Variants in NRXN1 observed in about 807,000 individuals in gnomAD.
The protein encoded by NRXN1 is neurexin-1.
A neutral mutation model predicts 150.9 loss-of-function variants in NRXN1; 39 were observed. The ratio of observed to expected loss-of-function variants is 0.26; its 90% confidence interval spans 0.20 to 0.34. The LOEUF is 0.34. NRXN1 is among the 10% of genes least tolerant of loss of function. NRXN1 has a pLI of 1.00. For missense variants in NRXN1, 1,815 were observed against 1,949.9 expected (o/e 0.93, Z 1.30); for synonymous variants, 924 against 757.0 (o/e 1.22, Z -3.62).
At chr2:50,678,280 G>C (rs1000952859) in intron 5 of NRXN1, among the ~76,000 whole-genome samples, 1 of 152,004 alleles carries the variant, frequency 6.6e-6, no homozygotes, top group Non-Finnish European at 1.5e-5. Context: ...GAATACACAA[G>C]GCTGTATTAC....
At chr2:50,887,686 A>G (rs189817926) in intron 5 of NRXN1, among the ~76,000 whole-genome samples, 19 of 151,530 alleles carry the variant, frequency 1.3e-4, no homozygotes, top group African/African-American at 4.6e-4. Flanking sequence ...TACATTTTTC[A>G]TAATAGCTAA....
chr2:50,058,265 A>C (rs985415806), intron 19 of NRXN1, among the ~76,000 whole-genome samples: 4 of 152,178 alleles, frequency 2.6e-5, no homozygotes, highest in African/African-American at 9.6e-5. Context: ...AACAACAATA[A>C]AACAATTTAG....
In NRXN1 at chr2:50,378,644, T is replaced by C. The variant is rs565670218; in HGVS notation, c.3364+86798A>G. Among the ~76,000 whole-genome samples, 9 of 152,264 alleles carry C rather than the reference T, an allele frequency of 5.9e-5. No homozygotes were observed. In the South Asian group the frequency reaches 1.0e-3, roughly 18 times the overall value. On this transcript the variant is annotated intron_variant, in intron 17 of 22. Coordinates refer to ENST00000401669, the MANE Select transcript of NRXN1 (RefSeq NM_001330078.2). ...GTATTAAATTGGGGGCTTTTTGTAATCATTTAGGAGTATTAATAATATGTA... is the reference window on the plus strand; with the variant it reads ...GTATTAAATTGGGGGCTTTTTGTAACCATTTAGGAGTATTAATAATATGTA...
At chr2:50,238,141 T>C (rs2065648366) in intron 17 of NRXN1, among the ~76,000 whole-genome samples, 1 of 152,064 alleles carries the variant, frequency 6.6e-6, no homozygotes, top group Non-Finnish European at 1.5e-5. Context: ...GAAAATGGAC[T>C]AATAGAGCAT....
intron 17 of NRXN1, among the ~76,000 whole-genome samples, chr2:50,458,213 T>C (rs779913402): frequency 2.6e-5 from 4 of 152,094 alleles, no homozygotes; most frequent in Admixed American, 1.3e-4. Context: ...CTCACTCATA[T>C]GTGCGAGCTA....
Position 50,299,607 on chromosome 2 carries a change from A to C in NRXN1, c.3365-62637T>G, listed in dbSNP as rs78335469. 7.7e-3 allele frequency among the ~76,000 whole-genome samples: 1,172 copies of C among 152,306 alleles called. 15 individuals carry two copies. Among genetic ancestry groups the C allele is most frequent in the African/African-American group, 0.026 (1,099 of 41,582 alleles). On this transcript the variant is annotated intron_variant, in intron 17 of 22. Transcript: ENST00000401669. Reference sequence around the variant, plus strand: ...TAAGGAAATAAATCATATTAAGTACATATTAAAAACATAGTATAAATATCA... The same window carrying C: ...TAAGGAAATAAATCATATTAAGTACCTATTAAAAACATAGTATAAATATCA...
chr2:50,499,094 C>T (rs1188736514), intron 13 of NRXN1, among the ~76,000 whole-genome samples: 4 of 152,150 alleles, frequency 2.6e-5, no homozygotes, highest in East Asian at 1.9e-4. Flanking sequence ...AAATATTAGA[C>T]AGTGTTTAAG....
chr2:50,407,725 C>A (rs1480618622), intron 17 of NRXN1, among the ~76,000 whole-genome samples: 2 of 152,092 alleles, frequency 1.3e-5, no homozygotes, highest in Non-Finnish European at 2.9e-5. Context: ...CACCTCACCT[C>A]AGGACTCTGT....
chr2:50,207,123 T>C (rs1245627854), intron 18 of NRXN1, among the ~76,000 whole-genome samples: 2 of 152,032 alleles, frequency 1.3e-5, no homozygotes, highest in African/African-American at 4.8e-5. Context: ...ACCGATGGGG[T>C]ATAAACAAGA....
intron 8 of NRXN1, among the ~76,000 whole-genome samples, chr2:50,593,272 A>G (rs900388133): frequency 1.3e-5 from 2 of 152,218 alleles, no homozygotes; most frequent in African/African-American, 4.8e-5. Flanking sequence ...TCTTCATTCC[A>G]GTCAGCCCAG....
chr2:50,867,363 C>T (rs1049651664), intron 5 of NRXN1, among the ~76,000 whole-genome samples: 2 of 151,768 alleles, frequency 1.3e-5, no homozygotes, highest in Non-Finnish European at 2.9e-5. Flanking sequence ...TTTTTACTCT[C>T]TCACTGACAC....
chr2:50,237,080 T>A, intron 17 of NRXN1, 110 bp from the exon 18 acceptor site: 1 of 1,065,172 alleles, frequency 9.4e-7, no homozygotes, highest in Non-Finnish European at 1.4e-6. Context: ...CACAAAACTA[T>A]GGCAAAGTAA....
At chr2:50,298,314 G>C (rs2073822800) in intron 17 of NRXN1, among the ~76,000 whole-genome samples, 1 of 152,046 alleles carries the variant, frequency 6.6e-6, no homozygotes, top group South Asian at 2.1e-4. Context: ...TTCAAAATTA[G>C]ACTTTTACTC....
At chr2:50,071,809 A>G (rs754759626) in intron 19 of NRXN1, among the ~76,000 whole-genome samples, 1 of 152,248 alleles carries the variant, frequency 6.6e-6, no homozygotes, top group African/African-American at 2.4e-5. Flanking sequence ...TTGCTAAAAT[A>G]GTCTAAAAGC....
intron 17 of NRXN1, among the ~76,000 whole-genome samples, chr2:50,400,767 AAG>A (rs1477310557): frequency 6.6e-6 from 1 of 152,210 alleles, no homozygotes; most frequent in Non-Finnish European, 1.5e-5. Flanking sequence ...TGGGCAAACA[AAG>A]AGGAATGTTT....
intron 17 of NRXN1, among the ~76,000 whole-genome samples, chr2:50,444,781 G>A (rs1395517836): frequency 6.6e-6 from 1 of 152,118 alleles, no homozygotes. Context: ...ATCCTGAGCT[G>A]TACTGGAGCC....
intron 17 of NRXN1, among the ~76,000 whole-genome samples, chr2:50,276,831 A>G (rs1455328001): frequency 1.3e-5 from 2 of 152,168 alleles, no homozygotes; most frequent in Non-Finnish European, 2.9e-5. Context: ...AAGACCCTTC[A>G]ATAGAGAACT....
chr2:50,485,438 G>T (rs2090798259), intron 15 of NRXN1, among the ~76,000 whole-genome samples: 1 of 152,246 alleles, frequency 6.6e-6, no homozygotes, highest in African/African-American at 2.4e-5. Context: ...AGCCTAGCAA[G>T]GCAGCTCTCA....
In NRXN1 at chr2:50,891,825, A is replaced by G. The variant is rs529654401; in HGVS notation, c.832+30044T>C. Reference sequence around the variant, plus strand: ...TATTTTTGAAACATGAGTAGCGGGCAAAGACTTCTCAACATATTCACTTGT... The same window carrying G: ...TATTTTTGAAACATGAGTAGCGGGCGAAGACTTCTCAACATATTCACTTGT... On this transcript the variant is annotated intron_variant, in intron 5 of 22. Transcript: ENST00000401669. Among the ~76,000 whole-genome samples, 3 of 152,182 alleles carry G rather than the reference A, an allele frequency of 2.0e-5. No individual in the cohort carries two copies. The East Asian group carries it at 5.8e-4, about 30-fold the overall frequency.
Sources: allele counts gnomAD v4.1 joint callset (sites outside exome capture counted in the v4.1 genomes callset), GRCh38; gene constraint gnomAD v4.1.1; transcripts MANE v1.5; gene names NCBI Gene and HGNC (gene_info 2026-07-23, HGNC 2026-07-21).